Variants in CDK14 observed in about 807,000 individuals in gnomAD.
CDK14 encodes cyclin dependent kinase 14, also known as cyclin-dependent kinase 14.
Under a neutral mutation model 60.7 loss-of-function variants are expected in CDK14, and 34 were observed. That is an observed-to-expected ratio of 0.56 (90% CI 0.43 to 0.75). CDK14 has a LOEUF of 0.75. Among genes scored for constraint, CDK14 ranks in the 30% least tolerant of loss-of-function variants. CDK14 has a pLI of 0.00. For synonymous variants in CDK14, 197 were observed against 203.7 expected (o/e 0.97, Z 0.28); for missense variants, 482 against 564.1 (o/e 0.85, Z 1.47).
At chr7:91,181,751 T>G (rs1802009704) in intron 14 of CDK14, among the ~76,000 whole-genome samples, 1 of 152,166 alleles carries the variant, frequency 6.6e-6, no homozygotes, top group African/African-American at 2.4e-5. Context: ...AATGGGAGAC[T>G]CTTCAAGTTT....
At chr7:90,769,698 C>G (rs1804710483) in intron 4 of CDK14, among the ~76,000 whole-genome samples, 1 of 152,132 alleles carries the variant, frequency 6.6e-6, no homozygotes, top group African/African-American at 2.4e-5. Context: ...GACTCCTGAC[C>G]TCAGGCGATC....
chr7:91,061,813 C>G (rs532117779), intron 11 of CDK14, among the ~76,000 whole-genome samples: 1 of 152,208 alleles, frequency 6.6e-6, no homozygotes, highest in Non-Finnish European at 1.5e-5. Context: ...TGCCCCTACT[C>G]GGGGGTGCCT....
intron 2 of CDK14, among the ~76,000 whole-genome samples, chr7:90,663,713 G>A (rs571421754): frequency 1.0e-3 from 157 of 152,112 alleles, no homozygotes; most frequent in Non-Finnish European, 1.8e-3. Context: ...TGGTTCAAGA[G>A]CTCCTCGATA....
chr7:90,781,718 G>C (rs886919865), intron 4 of CDK14, among the ~76,000 whole-genome samples: 1 of 151,152 alleles, frequency 6.6e-6, no homozygotes, highest in Non-Finnish European at 1.5e-5. Context: ...TCAAAGATCA[G>C]ATAGTTGTAG....
intron 2 of CDK14, among the ~76,000 whole-genome samples, chr7:90,711,327 T>C (rs916922021): frequency 6.6e-6 from 1 of 152,090 alleles, no homozygotes; most frequent in Non-Finnish European, 1.5e-5. Flanking sequence ...AATATTTGGA[T>C]TTTCTTCCAA....
intron 8 of CDK14, among the ~76,000 whole-genome samples, chr7:90,951,581 A>G (rs1448361769): frequency 1.3e-5 from 2 of 152,194 alleles, no homozygotes; most frequent in Non-Finnish European, 2.9e-5. Flanking sequence ...TTTTCTCCAT[A>G]GAGTTAAAGA....
Position 91,094,039 on chromosome 7 carries a change from G to C in CDK14, c.1154+14559G>C, listed in dbSNP as rs538039000. Among the ~76,000 whole-genome samples, 297 of 152,156 alleles carry C rather than the reference G, an allele frequency of 2.0e-3. 3 individuals are homozygous for C. The highest frequency in any genetic ancestry group is 0.011 in the South Asian group (54 of 4,818). Reference sequence around the variant, plus strand: ...GGGACTATTGGGAGGAGGGGGAGGGGTAAAAGGGTTGAACAAGCACCTGTT... The same window carrying C: ...GGGACTATTGGGAGGAGGGGGAGGGCTAAAAGGGTTGAACAAGCACCTGTT... On this transcript the variant is annotated intron_variant, in intron 12 of 14. Transcript: ENST00000380050.
intron 5 of CDK14, among the ~76,000 whole-genome samples, chr7:90,851,048 A>G (rs942951306): frequency 1.3e-5 from 2 of 152,222 alleles, no homozygotes; most frequent in African/African-American, 4.8e-5. Context: ...ACAGCAAAAA[A>G]ACTAGGAATG....
chr7:90,869,253 T>TA (rs1584066435), intron 6 of CDK14, among the ~76,000 whole-genome samples: 1 of 152,328 alleles, frequency 6.6e-6, no homozygotes, highest in East Asian at 1.9e-4. Flanking sequence ...CATGCAACTT[T>TA]AATTGAGGGT....
At chr7:90,651,803 A>G (rs1179398752) in intron 2 of CDK14, among the ~76,000 whole-genome samples, 1 of 151,820 alleles carries the variant, frequency 6.6e-6, no homozygotes, top group Non-Finnish European at 1.5e-5. Context: ...GGCCTCTTAG[A>G]GCAGGCCTCC....
chr7:91,185,023 T>C lies in CDK14; in HGVS notation c.*29-22142T>C, dbSNP rs143260181. On this transcript the variant is annotated intron_variant, in intron 14 of 14. Coordinates refer to ENST00000380050, the MANE Select transcript of CDK14 (RefSeq NM_001287135.2). ...AAAGGCGTGCATACATTGCGAGTGG[T>C]AGCCCCAGCTGTCATCTGTATTTTA... 1.5e-3 allele frequency among the ~76,000 whole-genome samples: 234 copies of C among 151,086 alleles called. 1 individual carries two copies. Among genetic ancestry groups the C allele is most frequent in the African/African-American group, 5.4e-3 (220 of 41,062 alleles).
At chr7:90,880,619 C>A (rs1343797875) in intron 6 of CDK14, among the ~76,000 whole-genome samples, 2 of 152,096 alleles carry the variant, frequency 1.3e-5, no homozygotes, top group African/African-American at 2.4e-5. Context: ...CCCATGCCAC[C>A]CAACTGGATG....
At chr7:91,034,945 T>TACAC (rs35003949) in intron 10 of CDK14, among the ~76,000 whole-genome samples, 6,301 of 146,028 alleles carry the variant, frequency 0.043, 153 homozygotes, top group Admixed American at 0.067. Flanking sequence ...CACATACACA[T>TACAC]ACACACACAC....
intron 2 of CDK14, among the ~76,000 whole-genome samples, chr7:90,644,989 A>C (rs1800428719): frequency 6.6e-6 from 1 of 152,216 alleles, no homozygotes; most frequent in Non-Finnish European, 1.5e-5. Flanking sequence ...ACCGCTAAGA[A>C]AAGAAAGTAG....
At chr7:91,175,751 A>G (rs1380110239) in intron 14 of CDK14, among the ~76,000 whole-genome samples, 7 of 148,840 alleles carry the variant, frequency 4.7e-5, no homozygotes, top group African/African-American at 1.7e-4. Flanking sequence ...TTCAACAAGA[A>G]GAGCTAACTA....
At chr7:90,759,436 A>T (rs1804226634) in intron 4 of CDK14, among the ~76,000 whole-genome samples, 1 of 152,242 alleles carries the variant, frequency 6.6e-6, no homozygotes, top group African/African-American at 2.4e-5. Context: ...TTGTTTGAGT[A>T]TTGAAGTGGA....
At chr7:90,899,834 C>T (rs77619514) in intron 7 of CDK14, among the ~76,000 whole-genome samples, 1 of 152,078 alleles carries the variant, frequency 6.6e-6, no homozygotes, top group South Asian at 2.1e-4. Context: ...AATATTACTA[C>T]CGAGTATCAA....
intron 5 of CDK14, among the ~76,000 whole-genome samples, chr7:90,831,375 A>G (rs955086123): frequency 9.9e-5 from 15 of 152,012 alleles, no homozygotes; most frequent in African/African-American, 3.4e-4. Context: ...TCTTGTGAGA[A>G]CTCACCATTA....
chr7:90,927,705 C>T (rs1318374556), intron 8 of CDK14, among the ~76,000 whole-genome samples: 1 of 152,166 alleles, frequency 6.6e-6, no homozygotes, highest in Admixed American at 6.5e-5. Context: ...AGTTGCTCTT[C>T]TCGAGGAGTA....
Sources: gnomAD v4.1 joint callset for allele counts (sites outside exome capture counted in the v4.1 genomes callset) on GRCh38, gnomAD v4.1.1 for gene constraint, MANE v1.5 for transcripts, NCBI Gene and HGNC (gene_info 2026-07-23, HGNC 2026-07-21) for gene names.